Variants in KAZN observed in about 807,000 individuals in gnomAD.
KAZN encodes the protein kazrin, periplakin interacting protein.
KAZN carries 40 observed loss-of-function variants against 87.4 expected under a neutral mutation model. The ratio of observed to expected loss-of-function variants is 0.46; its 90% confidence interval spans 0.36 to 0.60. KAZN has a LOEUF of 0.60. Ranked by LOEUF, KAZN falls within the 20% of genes least tolerant of loss-of-function variation. The probability of loss-of-function intolerance (pLI) is 0.00; values close to 1 mark genes in which losing one functional copy is unlikely to be tolerated. For synonymous variants in KAZN, 466 were observed against 458.3 expected, an observed-to-expected ratio of 1.02 and a Z score of -0.22; for missense variants, 898 against 1,073.9, an observed-to-expected ratio of 0.84 and a Z score of 2.29.
chr1:15,034,984 A>C, intron 3 of KAZN, 99 bp downstream of exon 3: 1 of 1,431,516 alleles, frequency 7.0e-7, no homozygotes, highest in Non-Finnish European at 9.6e-7. Flanking sequence ...TTGAATCCCC[A>C]AACACAGATA....
At chr1:13,942,565 AAAAAAAATGTATAT>A (rs1192588252) in intron 1 of KAZN, among the ~76,000 whole-genome samples, 4 of 145,072 alleles carry the variant, frequency 2.8e-5, no homozygotes, top group Admixed American at 6.8e-5. Context: ...AAAAAAAAAA[AAAAAAAATGTATAT>A]ATATAATTCA....
upstream of KAZN, among the ~76,000 whole-genome samples, chr1:14,598,405 G>T (rs571363097): frequency 2.0e-5 from 3 of 152,186 alleles, no homozygotes; most frequent in African/African-American, 7.2e-5. This position sits in a 1 kb window ranked among gnomAD's most constrained non-coding sequence, Gnocchi z 4.2. Context: ...ACCTTAGCAC[G>T]GCTCGGGGCA....
intron 1 of KAZN, among the ~76,000 whole-genome samples, chr1:14,129,158 T>A (rs569614993): frequency 6.6e-6 from 1 of 152,158 alleles, no homozygotes; most frequent in East Asian, 1.9e-4. Flanking sequence ...ACCCTATCAG[T>A]GGAGTTGAAT....
intron 1 of KAZN, chr1:14,924,336 C>T: frequency 1.0e-6 from 1 of 987,618 alleles, no homozygotes. Context: ...CTCGCGCAGC[C>T]GCTGGTAGCG....
chr1:14,078,681 G>C (rs1003703042), intron 1 of KAZN, among the ~76,000 whole-genome samples: 1 of 151,546 alleles, frequency 6.6e-6, no homozygotes, highest in Non-Finnish European at 1.5e-5. Context: ...GCTCTCTGGG[G>C]CCTCTCTTTT....
At chr1:14,660,357 G>A (rs1310301662) in intron 1 of KAZN, among the ~76,000 whole-genome samples, 3 of 152,114 alleles carry the variant, frequency 2.0e-5, no homozygotes, top group Non-Finnish European at 4.4e-5. Context: ...CTGCAAGGCA[G>A]ATACTGTCAT....
chr1:14,116,559 G>T (rs920930575), intron 1 of KAZN, among the ~76,000 whole-genome samples: 1 of 152,244 alleles, frequency 6.6e-6, no homozygotes, highest in Non-Finnish European at 1.5e-5. Context: ...GAAGTTTGCT[G>T]CAGGGGCAGG....
In KAZN at chr1:14,769,196, T is replaced by A. The variant is rs1644959334; in HGVS notation, c.226+169973T>A. 6.6e-6 allele frequency among the ~76,000 whole-genome samples: 1 copy of A among 152,154 alleles called. No homozygotes were observed. The highest frequency in any genetic ancestry group is 1.5e-5 in the Non-Finnish European group (1 of 68,030). ...TGAGTCTGACCCTGTCATCAGTCCT[T>A]CACTCTGATAAGCTTGGCGTGCTAG... On this transcript the variant is annotated intron_variant, in intron 1 of 14. Coordinates refer to ENST00000376030, the MANE Select transcript of KAZN (RefSeq NM_201628.3). The surrounding 1 kb of genome is among the most constrained non-coding windows in gnomAD (Gnocchi z 4.1).
chr1:14,955,125 G>T (rs1662928914), intron 1 of KAZN, among the ~76,000 whole-genome samples: 1 of 152,240 alleles, frequency 6.6e-6, no homozygotes, highest in Admixed American at 6.5e-5. Context: ...ACAGTGACCG[G>T]CCCAAGGTCA....
chr1:14,171,818 ATAT>A (rs1012841075), intron 1 of KAZN, among the ~76,000 whole-genome samples: 25 of 152,300 alleles, frequency 1.6e-4, no homozygotes, highest in Admixed American at 5.9e-4. Context: ...GTTTAGGGTC[ATAT>A]TATTATTATT....
intron 1 of KAZN, among the ~76,000 whole-genome samples, chr1:14,688,412 G>C (rs925112984): frequency 7.9e-5 from 12 of 152,232 alleles, no homozygotes; most frequent in Non-Finnish European, 1.2e-4. Context: ...TGCTGGGTCT[G>C]AAACTGTAAA....
At chr1:14,853,401 A>G (rs1649696019) in intron 1 of KAZN, among the ~76,000 whole-genome samples, 1 of 152,060 alleles carries the variant, frequency 6.6e-6, no homozygotes, top group African/African-American at 2.4e-5. Context: ...TACGTGGTGC[A>G]CACCCTCTGT....
chr1:14,516,691 T>C (rs1671316540), intron 2 of KAZN, among the ~76,000 whole-genome samples: 1 of 152,214 alleles, frequency 6.6e-6, no homozygotes, highest in Non-Finnish European at 1.5e-5. Flanking sequence ...AACTGTCAGC[T>C]CCTTGAGGGC....
Position 14,340,981 on chromosome 1 carries a change from G to A in KAZN, c.249+160389G>A, listed in dbSNP as rs1657675318. 3.0e-5 allele frequency among the ~76,000 whole-genome samples: 4 copies of A among 133,728 alleles called. No homozygotes were observed. In the South Asian group the frequency reaches 9.8e-4, roughly 33 times the overall value. 87.7% of individuals were successfully genotyped at this position (133,728 alleles called of 152,430 possible). ...CGACTCACTGCAACCTCTGCCTCCC[G>A]GGTTCAAGCAATTCTCCTGTCTCAG... is the stretch of plus-strand genomic sequence containing the variant. On this transcript the variant is annotated intron_variant, in intron 2 of 16. Transcript: ENST00000636203.
At chr1:15,030,513 C>T (rs1295171823) in intron 2 of KAZN, among the ~76,000 whole-genome samples, 2 of 152,128 alleles carry the variant, frequency 1.3e-5, no homozygotes, top group African/African-American at 4.8e-5. Context: ...GTGCTCCGCT[C>T]GCCTCTCAAA....
chr1:14,062,327 T>C (rs938185318), intron 1 of KAZN, among the ~76,000 whole-genome samples: 7 of 152,168 alleles, frequency 4.6e-5, no homozygotes, highest in Non-Finnish European at 1.0e-4. Flanking sequence ...TTTTATACTT[T>C]GGTTAAAGGC....
chr1:14,807,151 G>A (rs1179770828), intron 1 of KAZN, among the ~76,000 whole-genome samples: 2 of 152,294 alleles, frequency 1.3e-5, no homozygotes, highest in African/African-American at 4.8e-5. Flanking sequence ...TTTTGCTGGT[G>A]CAGATCTGGG....
chr1:14,447,820 C>T (rs544059239), intron 2 of KAZN, among the ~76,000 whole-genome samples: 1 of 152,124 alleles, frequency 6.6e-6, no homozygotes, highest in Admixed American at 6.6e-5. Context: ...ATTAGATCAG[C>T]ATTTTGCAGC....
intron 2 of KAZN, among the ~76,000 whole-genome samples, chr1:14,467,569 A>G (rs1388440606): frequency 6.6e-6 from 1 of 151,652 alleles, no homozygotes; most frequent in Non-Finnish European, 1.5e-5. Context: ...CGACCCAATT[A>G]TATACATTCT....
Sources: gnomAD v4.1 joint callset for allele counts (sites outside exome capture counted in the v4.1 genomes callset) on GRCh38, gnomAD v4.1.1 for gene constraint, Gnocchi (gnomAD v3.1) non-coding constraint, MANE v1.5 for transcripts, NCBI Gene and HGNC (gene_info 2026-07-23, HGNC 2026-07-21) for gene names.